Variants in PTCHD4 observed in about 807,000 individuals in gnomAD.
PTCHD4 encodes patched domain-containing protein 4.
In PTCHD4, 33 loss-of-function variants were observed where a neutral mutation model predicts 58.1. That is an observed-to-expected ratio of 0.57 (90% CI 0.43 to 0.76). PTCHD4 has a LOEUF of 0.76. Among genes scored for constraint, PTCHD4 ranks in the 30% least tolerant of loss-of-function variants. The probability of loss-of-function intolerance (pLI) is 0.00; values close to 1 mark genes in which losing one functional copy is unlikely to be tolerated. For missense variants in PTCHD4, 1,058 were observed against 1,027.1 expected (o/e 1.03, Z -0.41); for synonymous variants, 478 against 409.6 (o/e 1.17, Z -2.02).
At chr6:48,018,144 C>A (rs531327052) in intron 3 of PTCHD4, among the ~76,000 whole-genome samples, 1 of 152,134 alleles carries the variant, frequency 6.6e-6, no homozygotes, top group Non-Finnish European at 1.5e-5. Context: ...TATTTCCCAG[C>A]AAATGTTTGT....
At chr6:47,983,637 C>A (rs910913094) in intron 4 of PTCHD4, among the ~76,000 whole-genome samples, 8 of 151,928 alleles carry the variant, frequency 5.3e-5, no homozygotes, top group African/African-American at 1.9e-4. Context: ...AAATGCCTAA[C>A]CTAAAGTTAC....
chr6:47,941,601 A>G (rs1325981336), intron 4 of PTCHD4, among the ~76,000 whole-genome samples: 1 of 152,178 alleles, frequency 6.6e-6, no homozygotes, highest in Non-Finnish European at 1.5e-5. Context: ...CCATCTAGAA[A>G]GATGCAAAAT....
At chr6:47,905,028 A>C (rs1257100315) in intron 4 of PTCHD4, among the ~76,000 whole-genome samples, 1 of 140,694 alleles carries the variant, frequency 7.1e-6, no homozygotes, top group Non-Finnish European at 1.5e-5. Context: ...AAGAACTAGG[A>C]AGAAAATACA....
intron 3 of PTCHD4, among the ~76,000 whole-genome samples, chr6:48,055,471 A>C (rs1180552652): frequency 2.6e-5 from 4 of 152,158 alleles, no homozygotes; most frequent in African/African-American, 9.7e-5. Flanking sequence ...TTTTTAAGAG[A>C]AGTTAACTCT....
intron 3 of PTCHD4, among the ~76,000 whole-genome samples, chr6:48,061,536 C>G (rs1764625513): frequency 6.6e-6 from 1 of 152,164 alleles, no homozygotes; most frequent in South Asian, 2.1e-4. Flanking sequence ...CTGAGCGTCT[C>G]TAACACAAAG....
chr6:48,086,948 AT>A (rs1336368272), intron 1 of PTCHD4, among the ~76,000 whole-genome samples: 3 of 152,020 alleles, frequency 2.0e-5, no homozygotes, highest in African/African-American at 4.8e-5. Flanking sequence ...TTTAGTTACT[AT>A]TTTTTTCAAA....
At position 47,878,103 on chromosome 6, in the gene PTCHD4, G is replaced by C. The variant is rs75982169; in HGVS notation, c.*200C>G. 2.1e-6 allele frequency: 1 copy of C among 486,412 alleles called. No homozygotes were observed. Among genetic ancestry groups the C allele is most frequent in the South Asian group, 4.0e-5 (1 of 24,696 alleles). The allele number at this position is 486,412 out of a possible 1,614,324, so 30.1% of individuals were successfully genotyped here. A position where few individuals can be genotyped will look rare whatever the true frequency, so the allele number is the denominator to read the frequency against. ...AAACTTGTTTTTAGAGGAGAACAAG[G>C]TTGCAAATAACTTTTTCCTCTTTTT... On this transcript the variant is annotated 3_prime_UTR_variant, in exon 5 of 5. Transcript: ENST00000339488.
chr6:48,009,251 G>A (rs1005655196), intron 3 of PTCHD4, 137 bp from the exon 4 acceptor site: 4 of 916,738 alleles, frequency 4.4e-6, no homozygotes, highest in Non-Finnish European at 3.2e-6. Context: ...GGAGAGGCAA[G>A]TTAGAATTTT....
At chr6:48,042,424 G>C (rs2114153793) in intron 3 of PTCHD4, among the ~76,000 whole-genome samples, 1 of 151,922 alleles carries the variant, frequency 6.6e-6, no homozygotes, top group East Asian at 1.9e-4. Context: ...AGGATCTAAA[G>C]GCAAATGCAA....
intron 4 of PTCHD4, among the ~76,000 whole-genome samples, chr6:47,913,981 T>G (rs1561954096): frequency 6.6e-6 from 1 of 152,174 alleles, no homozygotes; most frequent in Non-Finnish European, 1.5e-5. Flanking sequence ...ATATATGTGA[T>G]GTACAAGTGT....
At position 48,068,760 on chromosome 6, in the gene PTCHD4, C is replaced by T; in HGVS notation, c.6-119G>A. Reference sequence around the variant, plus strand: ...GCCTCCCCACCCACTCCGCGCTCACCCCACAACCACTCCGCCTGGTCTTTC... The same window carrying T: ...GCCTCCCCACCCACTCCGCGCTCACTCCACAACCACTCCGCCTGGTCTTTC... On this transcript the variant is annotated intron_variant, in intron 2 of 4. Transcript: ENST00000339488. The surrounding 1 kb of genome is among the most constrained non-coding windows in gnomAD (Gnocchi z 4.2). The T allele has an allele frequency of 1.1e-6, 1 of 897,236 alleles. No individual in the cohort carries two copies. The highest frequency in any genetic ancestry group is 1.7e-6 in the Non-Finnish European group (1 of 605,266). The allele number at this position is 897,236 out of a possible 1,614,324, so 55.6% of individuals were successfully genotyped here. A position where few individuals can be genotyped will look rare whatever the true frequency, so the allele number is the denominator to read the frequency against.
chr6:48,031,158 C>G (rs1223453619), intron 3 of PTCHD4, among the ~76,000 whole-genome samples: 1 of 152,088 alleles, frequency 6.6e-6, no homozygotes, highest in Non-Finnish European at 1.5e-5. Flanking sequence ...CTCCATTTCC[C>G]ACCCCTTGAT....
intron 3 of PTCHD4, among the ~76,000 whole-genome samples, chr6:48,018,248 G>C (rs1009156093): frequency 1.3e-5 from 2 of 152,118 alleles, no homozygotes; most frequent in African/African-American, 4.8e-5. Flanking sequence ...AAGACATGCT[G>C]TTCAGCTTTT....
rs1212406670 is a variant in PTCHD4, at chr6:47,902,602, C to A, written c.899-22666G>T. Among the ~76,000 whole-genome samples, 7 of 152,134 alleles carry A rather than the reference C, an allele frequency of 4.6e-5. No homozygotes were observed. The South Asian group carries it at 8.3e-4, about 18-fold the overall frequency. On this transcript the variant is annotated intron_variant, in intron 4 of 4. Transcript: ENST00000339488. ...AAAGTTCAACTAGAAGATTAATTAGCAATAGTTTTCACTTCCATTTCAAAC... is the reference window on the plus strand; with the variant it reads ...AAAGTTCAACTAGAAGATTAATTAGAAATAGTTTTCACTTCCATTTCAAAC...
In PTCHD4 at chr6:48,061,970, A is replaced by G. The variant is rs377087501; in HGVS notation, c.417+6260T>C. Among the ~76,000 whole-genome samples, 11 of 151,878 alleles carry G rather than the reference A, an allele frequency of 7.2e-5. No homozygotes were observed. In the East Asian group the frequency reaches 1.9e-3, roughly 27 times the overall value. On this transcript the variant is annotated intron_variant, in intron 3 of 4. Coordinates refer to ENST00000339488, the MANE Select transcript of PTCHD4 (RefSeq NM_001384253.1). ...GCAAAACTAGGAGGTTGGAATTTTCATATTTCTTCTTTAAAAATATTTATA... is the reference window on the plus strand; with the variant it reads ...GCAAAACTAGGAGGTTGGAATTTTCGTATTTCTTCTTTAAAAATATTTATA...
At chr6:47,905,660 T>A (rs925054577) in intron 4 of PTCHD4, among the ~76,000 whole-genome samples, 1 of 152,188 alleles carries the variant, frequency 6.6e-6, no homozygotes, top group Non-Finnish European at 1.5e-5. Context: ...GGTGAGGAAA[T>A]GTAGTTATTA....
intron 3 of PTCHD4, among the ~76,000 whole-genome samples, chr6:48,024,618 TC>T (rs1171030678): frequency 6.6e-6 from 1 of 152,142 alleles, no homozygotes; most frequent in African/African-American, 2.4e-5. Context: ...CATTCTATGA[TC>T]CCTTGGGACT....
chr6:47,931,555 G>A (rs1449631418), intron 4 of PTCHD4, among the ~76,000 whole-genome samples: 2 of 152,160 alleles, frequency 1.3e-5, no homozygotes, highest in East Asian at 1.9e-4. Context: ...TTGTAAAATC[G>A]TTGCTGTTTG....
intron 3 of PTCHD4, among the ~76,000 whole-genome samples, chr6:48,018,074 G>T (rs115642260): frequency 1.7e-4 from 26 of 152,256 alleles, no homozygotes; most frequent in Admixed American, 1.4e-3. Context: ...ATTAACATAC[G>T]TTATAAATAA....
Sources: gnomAD v4.1 joint callset for allele counts (sites outside exome capture counted in the v4.1 genomes callset) on GRCh38, gnomAD v4.1.1 for gene constraint, Gnocchi (gnomAD v3.1) non-coding constraint, MANE v1.5 for transcripts, NCBI Gene and HGNC (gene_info 2026-07-23, HGNC 2026-07-21) for gene names.